NRG1: variants seen among roughly 807,000 people sequenced by gnomAD.
NRG1 encodes the protein neuregulin 1.
In NRG1, 18 loss-of-function variants were observed where a neutral mutation model predicts 63.8. The ratio of observed to expected loss-of-function variants is 0.28; its 90% CI spans 0.19 to 0.42. The LOEUF (loss-of-function observed/expected upper bound fraction) is 0.42, where lower values mean the gene tolerates loss of function less well. NRG1 is among the 10% of genes least tolerant of loss of function. The pLI, the probability that NRG1 is intolerant of heterozygous loss-of-function variation, is 1.00. For synonymous variants in NRG1, 302 were observed against 301.3 expected (o/e 1.00, Z -0.02); for missense variants, 762 against 814.7 (o/e 0.94, Z 0.79).
At chr8:32,760,866 T>C (rs1830570101) in intron 11 of NRG1, 1 of 1,000,640 alleles carries the variant, frequency 1.0e-6, no homozygotes, top group Non-Finnish European at 1.2e-6. Context: ...CAGCCTCAGT[T>C]AAGTCAAATC....
chr8:31,808,485 T>A (rs1483399321), intron 1 of NRG1, among the ~76,000 whole-genome samples: 1 of 152,036 alleles, frequency 6.6e-6, no homozygotes, highest in African/African-American at 2.4e-5. Flanking sequence ...ATTTTTGAAT[T>A]ATTTTGCTTT....
chr8:32,468,947 G>C (rs541422272), intron 1 of NRG1, among the ~76,000 whole-genome samples: 1 of 152,214 alleles, frequency 6.6e-6, no homozygotes, highest in African/African-American at 2.4e-5. Flanking sequence ...TGAGCACTGC[G>C]CTAGGACCTA....
chr8:32,715,529 C>T (rs977864412), intron 5 of NRG1, among the ~76,000 whole-genome samples: 10 of 152,128 alleles, frequency 6.6e-5, no homozygotes, highest in Non-Finnish European at 1.2e-4. Context: ...CTCCAACACA[C>T]TGAAAAGGTG....
At chr8:31,664,247 G>T (rs1806300719) in intron 1 of NRG1, among the ~76,000 whole-genome samples, 1 of 152,164 alleles carries the variant, frequency 6.6e-6, no homozygotes, top group Non-Finnish European at 1.5e-5. Flanking sequence ...CCTAAAGGAA[G>T]AAGCTATCAA....
At chr8:32,301,258 C>A (rs1210644108) in intron 1 of NRG1, among the ~76,000 whole-genome samples, 1 of 152,134 alleles carries the variant, frequency 6.6e-6, no homozygotes, top group Non-Finnish European at 1.5e-5. Context: ...TATTCATAGA[C>A]CCCTGAAGAT....
chr8:31,979,931 C>A (rs1001366356), intron 1 of NRG1, among the ~76,000 whole-genome samples: 14 of 151,994 alleles, frequency 9.2e-5, no homozygotes, highest in Non-Finnish European at 2.1e-4. Context: ...ATTTATATGT[C>A]TATTTAACAA....
At chr8:31,971,062 TATG>T (rs1807199260) in intron 1 of NRG1, among the ~76,000 whole-genome samples, 1 of 150,962 alleles carries the variant, frequency 6.6e-6, no homozygotes, top group Non-Finnish European at 1.5e-5. Flanking sequence ...AAAAAAAAAT[TATG>T]ATATTTAAAG....
chr8:32,726,479 C>T (rs190707933), intron 5 of NRG1, among the ~76,000 whole-genome samples: 2 of 152,200 alleles, frequency 1.3e-5, no homozygotes, highest in East Asian at 3.9e-4. Context: ...TGAACCACAT[C>T]TGTCTCCAAA....
At chr8:31,878,062 A>G (rs1316653859) in intron 1 of NRG1, among the ~76,000 whole-genome samples, 1 of 152,204 alleles carries the variant, frequency 6.6e-6, no homozygotes, top group African/African-American at 2.4e-5. Flanking sequence ...TCAGAAAACG[A>G]CCTATCTAAA....
intron 1 of NRG1, among the ~76,000 whole-genome samples, chr8:32,391,914 A>C (rs528351198): frequency 1.3e-5 from 2 of 152,348 alleles, no homozygotes; most frequent in Admixed American, 1.3e-4. Context: ...TAAAATAGTT[A>C]TTTAAAAATG....
At chr8:32,409,663 G>C (rs1219098275) in intron 1 of NRG1, among the ~76,000 whole-genome samples, 1 of 152,174 alleles carries the variant, frequency 6.6e-6, no homozygotes, top group Non-Finnish European at 1.5e-5. Flanking sequence ...TTAATGGAAA[G>C]TGAACAGAGC....
rs549363012 is a variant in NRG1 at position 32,599,723 on chromosome 8, A to G, written c.278+3718A>G. Among the ~76,000 whole-genome samples, 67 of 152,326 alleles carry G rather than the reference A, an allele frequency of 4.4e-4. 1 individual carries two copies. Among genetic ancestry groups the G allele is most frequent in the Non-Finnish European group, 6.9e-4 (47 of 68,022 alleles). ...AAAGCTTGGCGTGTGACAGATTCAT[A>G]TGTAAGGACTGGCAGATTGACCTCA... On this transcript the variant is annotated intron_variant, in intron 2 of 11. Coordinates refer to ENST00000356819, the Ensembl canonical transcript of NRG1.
chr8:32,741,260 T>C (rs1054109231), intron 6 of NRG1, among the ~76,000 whole-genome samples: 4 of 152,206 alleles, frequency 2.6e-5, no homozygotes, highest in African/African-American at 4.8e-5. Context: ...AAAAATGTTA[T>C]ACAGTTTTAA....
intron 1 of NRG1, among the ~76,000 whole-genome samples, chr8:31,962,309 C>T (rs1805594446): frequency 6.6e-6 from 1 of 152,122 alleles, no homozygotes; most frequent in East Asian, 1.9e-4. Context: ...GGAGATAACT[C>T]CTACTGCTGA....
chr8:32,535,591 T>C (rs1450504119), intron 1 of NRG1, among the ~76,000 whole-genome samples: 2 of 152,170 alleles, frequency 1.3e-5, no homozygotes, highest in East Asian at 3.8e-4. Context: ...GTCCATTCCA[T>C]GTTCTGTGAA....
At chr8:32,034,258 A>G (rs1818701723) in intron 1 of NRG1, among the ~76,000 whole-genome samples, 2 of 152,128 alleles carry the variant, frequency 1.3e-5, no homozygotes, top group South Asian at 4.1e-4. Context: ...ATGTTTATTG[A>G]TTTGCATATG....
At chr8:31,792,355 A>G (rs1563407580) in intron 1 of NRG1, among the ~76,000 whole-genome samples, 1 of 152,228 alleles carries the variant, frequency 6.6e-6, no homozygotes, top group Non-Finnish European at 1.5e-5. Context: ...TTTACACATG[A>G]CAAAATAGAA....
Position 32,742,202 on chromosome 8 carries a change from C to A in NRG1, c.633-473C>A. 1 of 757,524 alleles carries A rather than the reference C, an allele frequency of 1.3e-6. No homozygotes were observed. The highest frequency in any genetic ancestry group is 1.6e-5 in the South Asian group (1 of 60,862). 46.9% of individuals were successfully genotyped at this position (757,524 alleles called of 1,614,324 possible). On this transcript the variant is annotated intron_variant, in intron 6 of 11. Coordinates refer to ENST00000356819, the Ensembl canonical transcript of NRG1. The surrounding 1 kb of genome is among the most constrained non-coding windows in gnomAD (Gnocchi z 4.2). ...CTAATTATGGCTTAACCTCTCAAGG[C>A]ATAAACCCATTCAGTGTTACCTTAT...
intron 1 of NRG1, among the ~76,000 whole-genome samples, chr8:32,138,801 T>A (rs1204011845): frequency 1.3e-5 from 2 of 152,042 alleles, no homozygotes; most frequent in African/African-American, 4.8e-5. Flanking sequence ...GTTTTTGAAC[T>A]CCTGACCTCA....
Sources: allele counts gnomAD v4.1 joint callset (sites outside exome capture counted in the v4.1 genomes callset), GRCh38; gene constraint gnomAD v4.1.1; non-coding constraint Gnocchi (gnomAD v3.1); transcripts MANE v1.5; gene names NCBI Gene and HGNC (gene_info 2026-07-23, HGNC 2026-07-21).